The following MGAT4C variants were observed in gnomAD, a reference collection of about 807,000 sequenced individuals.
MGAT4C encodes the protein MGAT4 family member C.
A neutral mutation model predicts 40.1 loss-of-function variants in MGAT4C; 19 were observed. That is an observed-to-expected ratio of 0.47 (90% CI 0.33 to 0.70). MGAT4C has a LOEUF of 0.70. Among genes scored for constraint, MGAT4C ranks in the 30% least tolerant of loss-of-function variants. MGAT4C has a pLI of 0.02. For missense variants in MGAT4C, 491 were observed against 563.2 expected (o/e 0.87, Z 1.30); for synonymous variants, 181 against 187.1 (o/e 0.97, Z 0.27).
Position 85,979,552 on chromosome 12 carries a change from T to C in MGAT4C, c.1174A>G (p.Ile392Val). ...VFENPIIIKKIKVNTGTEDRQ... is the reference protein window; with the variant it reads ...VFENPIIIKKVKVNTGTEDRQ... ...TCTTCTGTTCCAGTATTTACTTTAA[T>C]TTTTTTTATTATAATTGGATTTTCA... The change falls in exon 5 of 5, where the codon ATT becomes GTT. Residue 392 changes from isoleucine to valine, a missense_variant. Transcript: ENST00000611864. 1 of 1,608,200 alleles carries C rather than the reference T, an allele frequency of 6.2e-7. No individual in the cohort carries two copies. The highest frequency in any genetic ancestry group is 8.5e-7 in the Non-Finnish European group (1 of 1,177,262).
chr12:86,632,706 A>G (rs1963097634), intron 2 of MGAT4C, among the ~76,000 whole-genome samples: 1 of 145,096 alleles, frequency 6.9e-6, no homozygotes, highest in Non-Finnish European at 1.5e-5. Context: ...GAACTGAACA[A>G]TGAGAACAGT....
Position 86,495,859 on chromosome 12 carries a change from C to A in MGAT4C, c.-228-60594G>T, listed in dbSNP as rs190785438. ...AGATGACTACATCCAGACAATAAGA[C>A]GCCAGACCCCTCACCCATCATGATT... On this transcript the variant is annotated intron_variant, in intron 2 of 7. Coordinates refer to the MGAT4C transcript ENST00000548651. Among the ~76,000 whole-genome samples the A allele has an allele frequency of 1.8e-3, 268 of 152,096 alleles. 2 individuals carry two copies. The highest frequency in any genetic ancestry group is 6.1e-3 in the African/African-American group (254 of 41,510).
intron 1 of MGAT4C, among the ~76,000 whole-genome samples, chr12:86,772,636 G>A (rs1007119018): frequency 1.7e-5 from 1 of 59,940 alleles, no homozygotes; most frequent in African/African-American, 4.0e-5. Context: ...CTACCATGAT[G>A]GTCCAGAGGA....
At chr12:86,344,883 T>TAA (rs1015869781) in intron 3 of MGAT4C, among the ~76,000 whole-genome samples, 12 of 152,028 alleles carry the variant, frequency 7.9e-5, no homozygotes, top group African/African-American at 2.9e-4. Context: ...CCATCAAACA[T>TAA]AAGGCTTGCT....
chr12:86,268,132 A>C, intron 4 of MGAT4C, among the ~76,000 whole-genome samples: 1 of 152,154 alleles, frequency 6.6e-6, no homozygotes, highest in East Asian at 1.9e-4. Context: ...GAATGCTTTC[A>C]TCAGTCTTAC....
intron 2 of MGAT4C, among the ~76,000 whole-genome samples, chr12:86,718,768 A>G (rs142954744): frequency 6.6e-6 from 1 of 152,256 alleles, no homozygotes; most frequent in East Asian, 1.9e-4. Flanking sequence ...TGTGCAGGTA[A>G]GAAATCTAGG....
intron 2 of MGAT4C, among the ~76,000 whole-genome samples, chr12:86,469,706 C>T (rs999361533): frequency 3.3e-5 from 5 of 151,996 alleles, no homozygotes; most frequent in Non-Finnish European, 7.4e-5. Flanking sequence ...TGACTGTGGC[C>T]TTGTAAGAGC....
At chr12:86,401,006 G>C (rs1247239075) in intron 3 of MGAT4C, among the ~76,000 whole-genome samples, 1 of 151,730 alleles carries the variant, frequency 6.6e-6, no homozygotes, top group African/African-American at 2.4e-5. Flanking sequence ...TAAATTAGAA[G>C]GAGAGACTTT....
chr12:86,768,578 G>T (rs891883764), intron 1 of MGAT4C, among the ~76,000 whole-genome samples: 8 of 151,528 alleles, frequency 5.3e-5, no homozygotes, highest in African/African-American at 1.9e-4. Context: ...TAAGCCAAAA[G>T]AACAAAGCTG....
chr12:86,295,563 T>C (rs1307233678), intron 4 of MGAT4C, among the ~76,000 whole-genome samples: 1 of 152,028 alleles, frequency 6.6e-6, no homozygotes, highest in Non-Finnish European at 1.5e-5. Context: ...CAACAATGCT[T>C]CCACAGTGTG....
intron 3 of MGAT4C, among the ~76,000 whole-genome samples, chr12:86,431,229 G>A (rs1191400602): frequency 6.6e-6 from 1 of 151,200 alleles, no homozygotes; most frequent in Non-Finnish European, 1.5e-5. Flanking sequence ...ACCACAGCTA[G>A]CAGGAACACA....
At chr12:86,775,309 C>T (rs1303127806) in intron 1 of MGAT4C, among the ~76,000 whole-genome samples, 3 of 151,844 alleles carry the variant, frequency 2.0e-5, no homozygotes, top group Non-Finnish European at 4.4e-5. Flanking sequence ...AACATAAGCA[C>T]ATCCATCCAT....
chr12:86,320,100 A>G (rs980788142), intron 4 of MGAT4C, among the ~76,000 whole-genome samples: 9 of 152,064 alleles, frequency 5.9e-5, no homozygotes, highest in African/African-American at 1.9e-4. Context: ...ACTTCCTGAC[A>G]CTACAAGATC....
chr12:86,798,922 A>G (rs1952176916), intron 1 of MGAT4C, among the ~76,000 whole-genome samples: 1 of 151,906 alleles, frequency 6.6e-6, no homozygotes, highest in Non-Finnish European at 1.5e-5. Context: ...GTCTTAAAAA[A>G]TAAGTTTCAT....
At chr12:86,022,673 C>A (rs1214169301) in intron 2 of MGAT4C, 2 of 152,558 alleles carry the variant, frequency 1.3e-5, no homozygotes, top group African/African-American at 4.8e-5. Context: ...TTGTGCCATG[C>A]ACTTCAGCCT....
At chr12:86,211,480 G>A (rs577705381) in intron 1 of MGAT4C, among the ~76,000 whole-genome samples, 2 of 148,288 alleles carry the variant, frequency 1.3e-5, no homozygotes, top group African/African-American at 5.0e-5. Context: ...CCAGCTACTC[G>A]GGAGGCTGAG....
chr12:86,771,591 T>TA (rs1242697617), intron 1 of MGAT4C, among the ~76,000 whole-genome samples: 5 of 152,118 alleles, frequency 3.3e-5, no homozygotes, highest in African/African-American at 4.8e-5. Context: ...TTGATGCCTG[T>TA]AATCCCAGAC....
At position 85,955,812 on chromosome 12, in the gene MGAT4C, A is replaced by T. The variant is rs1256046837; in HGVS notation, c.*23477T>A. Reference sequence around the variant, plus strand: ...ACTGGTTCACCATGTTGCAGACTTTAAAAAAATACAGGACAAAGGTTTACA... The same window carrying T: ...ACTGGTTCACCATGTTGCAGACTTTTAAAAAATACAGGACAAAGGTTTACA... On this transcript the variant is annotated 3_prime_UTR_variant, in exon 5 of 5. Coordinates refer to ENST00000611864, the MANE Select transcript of MGAT4C (RefSeq NM_001351288.2). 1 of 152,172 alleles carries T rather than the reference A, an allele frequency of 6.6e-6. No homozygotes were observed. The highest frequency in any genetic ancestry group is 1.9e-4 in the East Asian group (1 of 5,198). 9.4% of individuals were successfully genotyped at this position (152,172 alleles called of 1,614,324 possible). A position where few individuals can be genotyped will look rare whatever the true frequency, so the allele number is the denominator to read the frequency against.
intron 2 of MGAT4C, among the ~76,000 whole-genome samples, chr12:86,691,129 A>G (rs1033026814): frequency 2.6e-5 from 4 of 152,192 alleles, no homozygotes; most frequent in African/African-American, 9.7e-5. Context: ...TATTCAATCC[A>G]TCTTTAAGTC....
Sources: gnomAD v4.1 joint callset for allele counts (sites outside exome capture counted in the v4.1 genomes callset) on GRCh38, gnomAD v4.1.1 for gene constraint, MANE v1.5 for transcripts, NCBI Gene and HGNC (gene_info 2026-07-23, HGNC 2026-07-21) for gene names.